SH3KBP1: variants seen among roughly 807,000 people sequenced by gnomAD.
SH3KBP1 encodes the protein SH3 domain-containing kinase-binding protein 1.
In SH3KBP1, 8 loss-of-function variants were observed where a neutral mutation model predicts 50.1. The observed-to-expected ratio is 0.16, with a 90% CI of 0.09 to 0.29. The LOEUF (loss-of-function observed/expected upper bound fraction) is 0.29, where lower values mean the gene tolerates loss of function less well. SH3KBP1 is among the 10% of genes least tolerant of loss of function. The pLI, the probability that SH3KBP1 is intolerant of heterozygous loss-of-function variation, is 1.00. For synonymous variants in SH3KBP1, 227 were observed against 218.6 expected (o/e 1.04, Z -0.34); for missense variants, 377 against 535.2 (o/e 0.70, Z 2.92).
At chrX:19,691,465 A>G (rs923396113) in intron 5 of SH3KBP1, among the ~76,000 whole-genome samples, 1 of 104,855 alleles carries the variant, frequency 9.5e-6, no homozygotes, top group Non-Finnish European at 1.9e-5. Flanking sequence ...CTTTATATTT[A>G]TATCTAATCT....
In SH3KBP1 at chrX:19,643,300, A is replaced by ATTTTTTTTTTTTTTTTTT. The variant is rs201544483; in HGVS notation, c.802+2099_802+2100insAAAAAAAAAAAAAAAAAA. Among the ~76,000 whole-genome samples, 12 of 86,885 alleles carry ATTTTTTTTTTTTTTTTTT rather than the reference A, an allele frequency of 1.4e-4. 3 individuals are homozygous for ATTTTTTTTTTTTTTTTTT. The highest frequency in any genetic ancestry group is 5.7e-4 in the African/African-American group (10 of 17,416). The allele number at this position is 86,885 out of a possible 115,157, so 75.4% of individuals were successfully genotyped here. On this transcript the variant is annotated intron_variant, in intron 7 of 17. Transcript: ENST00000397821. ...AGTGTGTGTGGGCTGAAACTGAAGA[A>ATTTTTTTTTTTTTTTTTT]TTTTTTATTTTTTTTTTTTTTATTT...
rs2063566701 is a variant in SH3KBP1 at position 19,703,172 on chromosome X, G to C, written c.390+3709C>G. On this transcript the variant is annotated intron_variant, in intron 4 of 17. Transcript: ENST00000397821. ...TGCCAGGTGAGCAAGCTGTTCACCC[G>C]ACTAAGGGTCAAGGTTGTTTCTACC... Among the ~76,000 whole-genome samples, 3 of 112,261 alleles carry C rather than the reference G, an allele frequency of 2.7e-5. No individual in the cohort carries two copies. The Admixed American group carries it at 2.8e-4, about 11-fold the overall frequency.
At chrX:19,880,747 T>G (rs2069408532) in intron 1 of SH3KBP1, among the ~76,000 whole-genome samples, 1 of 110,907 alleles carries the variant, frequency 9.0e-6, no homozygotes, top group Non-Finnish European at 1.9e-5. Context: ...GGGGAGGGGA[T>G]CCTGGATTAT....
intron 5 of SH3KBP1, among the ~76,000 whole-genome samples, chrX:19,687,153 T>C (rs557177431): frequency 6.2e-5 from 7 of 112,866 alleles, no homozygotes; most frequent in South Asian, 7.2e-4. Flanking sequence ...ATTTCTGGCA[T>C]GGACTTTCAT....
intron 13 of SH3KBP1, among the ~76,000 whole-genome samples, chrX:19,561,856 A>T (rs2065689979): frequency 9.3e-6 from 1 of 108,047 alleles, no homozygotes. Flanking sequence ...TGAAATTCCA[A>T]ACAGTATGAA....
intron 1 of SH3KBP1, among the ~76,000 whole-genome samples, chrX:19,858,042 G>A (rs992663602): frequency 1.6e-4 from 17 of 109,336 alleles, no homozygotes; most frequent in Non-Finnish European, 2.3e-4. Flanking sequence ...AGCTGGGTGT[G>A]GTGGTGCACG....
At chrX:19,887,032 C>G (rs897515566) in intron 1 of SH3KBP1, among the ~76,000 whole-genome samples, 19 of 111,833 alleles carry the variant, frequency 1.7e-4, no homozygotes, top group African/African-American at 6.2e-4. Flanking sequence ...CAACCACACC[C>G]CCTGCATCCC....
chrX:19,630,357 G>A (rs1469383584), intron 8 of SH3KBP1, among the ~76,000 whole-genome samples: 3 of 112,310 alleles, frequency 2.7e-5, no homozygotes, highest in Non-Finnish European at 5.6e-5. Context: ...TACAGCATTC[G>A]TATTGTGCTT....
chrX:19,724,740 A>T (rs1488843887), intron 3 of SH3KBP1, among the ~76,000 whole-genome samples: 2 of 112,607 alleles, frequency 1.8e-5, no homozygotes, highest in African/African-American at 6.5e-5. Flanking sequence ...ACCAGGGAAT[A>T]TTTTTTTAAA....
chrX:19,639,300 T>G (rs1254039693), intron 7 of SH3KBP1, among the ~76,000 whole-genome samples: 3 of 111,664 alleles, frequency 2.7e-5, no homozygotes, highest in African/African-American at 9.8e-5. Flanking sequence ...TTCACAAGTA[T>G]GAATTATGAC....
rs897884489 is a variant in SH3KBP1 at position 19,537,624 on chromosome X, G to T, written c.1956+93C>A. ...GAAATGTATCCAGATCTGCAGAGAG[G>T]TGACAATCATTTATTTTTGAAATAA... On this transcript the variant is annotated intron_variant, in intron 17 of 17. Transcript: ENST00000397821. 5 of 720,458 alleles carry T rather than the reference G, an allele frequency of 6.9e-6. No homozygotes were observed. In the South Asian group the frequency reaches 1.1e-4, roughly 16 times the overall value. The allele number at this position is 720,458 out of a possible 1,213,427, so 59.4% of individuals were successfully genotyped here. A position where few individuals can be genotyped will look rare whatever the true frequency, so the allele number is the denominator to read the frequency against.
chrX:19,749,779 G>A (rs2065013200), intron 2 of SH3KBP1, among the ~76,000 whole-genome samples: 1 of 112,494 alleles, frequency 8.9e-6, no homozygotes, highest in South Asian at 3.6e-4. Context: ...TAATGCTACT[G>A]ACTGTACACT....
intron 9 of SH3KBP1, chrX:19,601,455 G>A (rs1444792952): frequency 8.9e-6 from 1 of 111,862 alleles, no homozygotes; most frequent in Admixed American, 9.5e-5. Context: ...TCTGGCCCCA[G>A]AGATGTGATT....
rs41311797 is a variant in SH3KBP1, at chrX:19,594,834, G to C, written c.1057+115C>G. ...CTGAGACCAAATCGTAACTTCCCAA[G>C]TAGTCAATCTATGGCACTTGAACCA... On this transcript the variant is annotated intron_variant, in intron 10 of 17. Coordinates refer to ENST00000397821, the MANE Select transcript of SH3KBP1 (RefSeq NM_031892.3). 6.7e-5 allele frequency: 37 copies of C among 554,279 alleles called. No individual in the cohort carries two copies. In the South Asian group the frequency reaches 9.4e-4, roughly 14 times the overall value. 45.7% of individuals were successfully genotyped at this position (554,279 alleles called of 1,213,427 possible).
chrX:19,665,088 TAGAG>T (rs1163036301), intron 6 of SH3KBP1, among the ~76,000 whole-genome samples: 1 of 111,726 alleles, frequency 9.0e-6, no homozygotes, highest in Non-Finnish European at 1.9e-5. Context: ...CTGCTTCTAA[TAGAG>T]AGAGACAATG....
intron 9 of SH3KBP1, among the ~76,000 whole-genome samples, chrX:19,599,951 C>T (rs1337420400): frequency 2.7e-5 from 3 of 109,416 alleles, no homozygotes; most frequent in South Asian, 4.0e-4. Flanking sequence ...ATCGAAACCA[C>T]GGTGAAACGC....
intron 3 of SH3KBP1, among the ~76,000 whole-genome samples, chrX:19,723,360 A>G (rs1383071991): frequency 8.9e-6 from 1 of 111,978 alleles, no homozygotes; most frequent in Non-Finnish European, 1.9e-5. Context: ...GTATCTCCAC[A>G]CAAACTAGCA....
In SH3KBP1 at chrX:19,607,812, G is replaced by T. The variant is rs3827439; in HGVS notation, c.1005+126C>A. 10,546 of 544,419 alleles carry T rather than the reference G, an allele frequency of 0.019. 704 individuals carry two copies. The African/African-American group carries it at 0.2, about 10-fold the overall frequency. The allele number at this position is 544,419 out of a possible 1,213,427, so 44.9% of individuals were successfully genotyped here. A position where few individuals can be genotyped will look rare whatever the true frequency, so the allele number is the denominator to read the frequency against. On this transcript the variant is annotated intron_variant, in intron 9 of 17. Transcript: ENST00000397821. ...GTTACAGAGTATATGGCAGCCGAGG[G>T]CTCAGAATCTGGGTCTGTTGAATGT...
At chrX:19,670,264 C>T in intron 6 of SH3KBP1, 1 of 544,482 alleles carries the variant, frequency 1.8e-6, no homozygotes, top group African/African-American at 2.5e-5. Flanking sequence ...AATATCTTTA[C>T]CCCATCATAA....
Sources: gnomAD v4.1 joint callset for allele counts (sites outside exome capture counted in the v4.1 genomes callset) on GRCh38, gnomAD v4.1.1 for gene constraint, MANE v1.5 for transcripts, NCBI Gene and HGNC (gene_info 2026-07-23, HGNC 2026-07-21) for gene names.